Variants in MYO10 observed in about 807,000 individuals in gnomAD.
MYO10 encodes unconventional myosin-X.
Under a neutral mutation model 257.3 loss-of-function variants are expected in MYO10, and 133 were observed. That is an observed-to-expected ratio of 0.52 (90% CI 0.45 to 0.60). The LOEUF is 0.60. Ranked by LOEUF, MYO10 falls within the 20% of genes least tolerant of loss-of-function variation. The pLI is 0.00. For missense variants in MYO10, 2,399 were observed against 2,635.7 expected (o/e 0.91, Z 1.97); for synonymous variants, 1,104 against 1,028.6 (o/e 1.07, Z -1.40).
intron 2 of MYO10, among the ~76,000 whole-genome samples, chr5:16,823,166 G>A (rs1742880545): frequency 6.7e-6 from 1 of 150,356 alleles, no homozygotes. Flanking sequence ...TACTGGCTGG[G>A]CTCAGTAGCT....
At chr5:16,872,029 C>G (rs1355733968) in intron 2 of MYO10, among the ~76,000 whole-genome samples, 1 of 152,150 alleles carries the variant, frequency 6.6e-6, no homozygotes, top group Non-Finnish European at 1.5e-5. Flanking sequence ...AAACCCACAA[C>G]CCATAAATAC....
chr5:16,849,175 T>C (rs985646340), intron 2 of MYO10, among the ~76,000 whole-genome samples: 2 of 152,180 alleles, frequency 1.3e-5, no homozygotes, highest in African/African-American at 4.8e-5. Context: ...AACTGAAAAA[T>C]AGCTTCAGTC....
chr5:16,680,456 T>C (rs1281162896), intron 32 of MYO10, among the ~76,000 whole-genome samples: 2 of 152,156 alleles, frequency 1.3e-5, no homozygotes, highest in Admixed American at 1.3e-4. Flanking sequence ...GATTTCTGAC[T>C]TTCCTTCTTA....
At chr5:16,741,752 T>C (rs975329997) in intron 19 of MYO10, 7 of 960,848 alleles carry the variant, frequency 7.3e-6, no homozygotes, top group Non-Finnish European at 7.4e-6. Context: ...ACCATCATCA[T>C]GGCAAGTTAC....
At position 16,699,534 on chromosome 5, in the gene MYO10, T is replaced by C; in HGVS notation, c.3472A>G (p.Thr1158Ala). 1 of 1,613,606 alleles carries C rather than the reference T, an allele frequency of 6.2e-7. No individual in the cohort carries two copies. Among genetic ancestry groups the C allele is most frequent in the Non-Finnish European group, 8.5e-7 (1 of 1,179,798 alleles). The change falls in exon 26 of 41, where the codon ACA becomes GCA. Residue 1158 changes from threonine (T) to alanine (A), a missense_variant. By Grantham distance (58) the Thr-to-Ala change is moderately conservative. Around this residue, in one of 3 missense-constraint regions of MYO10, gnomAD observed 1,820 missense variants for 1,939.4 expected, o/e 0.94. Coordinates refer to ENST00000513610, the MANE Select transcript of MYO10 (RefSeq NM_012334.3). ...CGCCGGTATGAAAGCTCATCATCTG[T>C]ATCAAACCTGGAATCAAAGTCCTCT... ...SEEDFDSRFD[T>A]DDELSYRRDS... is the part of the protein sequence containing the mutation.
chr5:16,781,079 AT>A (rs36090678), intron 6 of MYO10, among the ~76,000 whole-genome samples: 31,827 of 145,272 alleles, frequency 0.22, 3,506 homozygotes, highest in Non-Finnish European at 0.26. Flanking sequence ...ATTTCACAGA[AT>A]TTTTTTTTTT....
At chr5:16,715,318 G>A (rs1334159737) in intron 19 of MYO10, among the ~76,000 whole-genome samples, 1 of 149,848 alleles carries the variant, frequency 6.7e-6, no homozygotes, top group East Asian at 2.0e-4. Context: ...GCGTATAAAT[G>A]TAGTCATGTA....
Position 16,935,791 on chromosome 5 carries a change from G to A in MYO10, c.18C>T (p.Thr6=), listed in dbSNP as rs572111428. The stretch of plus-strand genomic sequence containing the variant: ...GTCGGACTGGGAGCGCACTTACCTC[G>A]GTGAAGAAGTTATCCATTGTTCCAG... MDNFF[T]EGTRVWLREN... is the part of the protein sequence containing the mutation. Residue 6 remains threonine (T), a synonymous_variant, in exon 1 of 41, where the codon ACC becomes ACT. Coordinates refer to ENST00000513610, the MANE Select transcript of MYO10 (RefSeq NM_012334.3). 3.8e-5 allele frequency: 61 copies of A among 1,613,390 alleles called. 1 individual carries two copies. In the South Asian group the frequency reaches 4.1e-4, roughly 11 times the overall value.
chr5:16,926,992 G>A (rs1188208268), intron 1 of MYO10, among the ~76,000 whole-genome samples: 1 of 152,168 alleles, frequency 6.6e-6, no homozygotes, highest in East Asian at 1.9e-4. Context: ...CTTTAAACAT[G>A]TTTGTTGATT....
In MYO10 at chr5:16,779,631, T is replaced by C; in HGVS notation, c.844A>G (p.Thr282Ala). 6.2e-7 allele frequency: 1 copy of C among 1,600,528 alleles called. No individual in the cohort carries two copies. The highest frequency in any genetic ancestry group is 1.1e-5 in the South Asian group (1 of 88,024). Residue 282 changes from threonine to alanine, a missense_variant, in exon 9 of 41, where the codon ACG becomes GCG. Thr to Ala is a moderately conservative substitution (Grantham distance 58). Transcript: ENST00000513610. ...TTCAAGTAGTGGTAGTTTTCTGGCG[T>C]AGATAAATAAAATTCTTCTACAGAA... ...HEEREEFYLSTPENYHYLNQS... is the reference protein window; with the variant it reads ...HEEREEFYLSAPENYHYLNQS...
intron 19 of MYO10, among the ~76,000 whole-genome samples, chr5:16,747,525 G>A (rs1009284050): frequency 6.6e-6 from 1 of 152,142 alleles, no homozygotes; most frequent in African/African-American, 2.4e-5. Context: ...AGCTGCACTT[G>A]GTCTTCTATA....
chr5:16,861,012 T>C (rs904108841), intron 2 of MYO10, among the ~76,000 whole-genome samples: 3 of 152,114 alleles, frequency 2.0e-5, no homozygotes, highest in African/African-American at 7.2e-5. Flanking sequence ...GGTTGCTCAT[T>C]AAACAGCACC....
At chr5:16,859,290 G>A (rs1424010472) in intron 2 of MYO10, among the ~76,000 whole-genome samples, 2 of 152,132 alleles carry the variant, frequency 1.3e-5, no homozygotes, top group Non-Finnish European at 2.9e-5. Context: ...TTCATAGATG[G>A]GACCTTGTAG....
At chr5:16,872,878 C>T (rs1744491850) in intron 2 of MYO10, among the ~76,000 whole-genome samples, 3 of 152,180 alleles carry the variant, frequency 2.0e-5, no homozygotes. Flanking sequence ...TCAATTACCT[C>T]CCCTCTGGGT....
chr5:16,913,539 T>C (rs1745731380), intron 1 of MYO10, among the ~76,000 whole-genome samples: 1 of 152,208 alleles, frequency 6.6e-6, no homozygotes, highest in Admixed American at 6.5e-5. Flanking sequence ...CAAAACTGCA[T>C]CTGCCACTGT....
At chr5:16,806,854 G>A (rs527275940) in intron 3 of MYO10, among the ~76,000 whole-genome samples, 3 of 151,982 alleles carry the variant, frequency 2.0e-5, no homozygotes, top group African/African-American at 4.8e-5. Context: ...TCACTCCCCC[G>A]GGACTAAGAT....
chr5:16,790,895 T>TTATATATA (rs576552609), intron 4 of MYO10, among the ~76,000 whole-genome samples: 27 of 144,494 alleles, frequency 1.9e-4, no homozygotes, highest in South Asian at 4.4e-4. Flanking sequence ...AGTTTTAAAT[T>TTATATATA]TATATATATA....
At chr5:16,691,292 A>C (rs1194480261) in intron 27 of MYO10, among the ~76,000 whole-genome samples, 1 of 151,836 alleles carries the variant, frequency 6.6e-6, no homozygotes, top group Non-Finnish European at 1.5e-5. Context: ...AAAAGTACAA[A>C]TGTTCACAAT....
At chr5:16,875,760 G>A (rs1744583367) in intron 2 of MYO10, among the ~76,000 whole-genome samples, 2 of 152,218 alleles carry the variant, frequency 1.3e-5, no homozygotes, top group East Asian at 1.9e-4. Context: ...TAGCCCGTCT[G>A]CCTCAAATTA....
Sources: gnomAD v4.1 joint callset for allele counts (sites outside exome capture counted in the v4.1 genomes callset) on GRCh38, gnomAD v4.1.1 for gene constraint, gnomAD v4.1.1 regional missense constraint, MANE v1.5 for transcripts, NCBI Gene and HGNC (gene_info 2026-07-23, HGNC 2026-07-21) for gene names.